RNF115: variants seen among roughly 807,000 people sequenced by gnomAD.
RNF115 encodes E3 ubiquitin-protein ligase RNF115.
A neutral mutation model predicts 39.2 loss-of-function variants in RNF115; 31 were observed. The ratio of observed to expected loss-of-function variants is 0.79; its 90% CI spans 0.59 to 1.07. The LOEUF (loss-of-function observed/expected upper bound fraction) is 1.07, where lower values mean the gene tolerates loss of function less well. Ranked by LOEUF, RNF115 falls within the 50% of genes least tolerant of loss-of-function variation. The pLI is 0.00. For missense variants in RNF115, 384 were observed against 381.7 expected (o/e 1.01, Z -0.05); for synonymous variants, 124 against 131.0 (o/e 0.95, Z 0.37).
intron 3 of RNF115, 87 bp downstream of exon 3, chr1:145,784,449 ATGT>A: frequency 7.9e-6 from 9 of 1,138,556 alleles, no homozygotes; most frequent in Non-Finnish European, 1.2e-5. Flanking sequence ...TTAAACTCTG[ATGT>A]TGTGCCACAC....
intron 4 of RNF115, among the ~76,000 whole-genome samples, chr1:145,769,201 C>T (rs1227700194): frequency 6.6e-6 from 1 of 152,112 alleles, no homozygotes; most frequent in Non-Finnish European, 1.5e-5. Context: ...TATTTAACTG[C>T]CTTTATACTC....
intron 3 of RNF115, among the ~76,000 whole-genome samples, chr1:145,774,235 A>G (rs781983767): frequency 6.6e-6 from 1 of 151,678 alleles, no homozygotes; most frequent in Non-Finnish European, 1.5e-5. Context: ...GAATATACCA[A>G]TAAGGCTAAA....
chr1:145,807,579 T>C (rs1252606683), intron 1 of RNF115, among the ~76,000 whole-genome samples: 1 of 152,216 alleles, frequency 6.6e-6, no homozygotes, highest in Admixed American at 6.5e-5. Context: ...GCTACAGATA[T>C]CTGTAAATAT....
At chr1:145,753,339 C>T (rs910652929) in intron 4 of RNF115, among the ~76,000 whole-genome samples, 3 of 152,152 alleles carry the variant, frequency 2.0e-5, no homozygotes, top group Non-Finnish European at 4.4e-5. Flanking sequence ...CCCTGAATAT[C>T]TGACATCAAC....
At chr1:145,764,158 C>T (rs1391986491) in intron 4 of RNF115, among the ~76,000 whole-genome samples, 1 of 152,210 alleles carries the variant, frequency 6.6e-6, no homozygotes, top group Non-Finnish European at 1.5e-5. Flanking sequence ...GCGAGTGATC[C>T]GCCAGCCTCG....
At chr1:145,756,804 C>CTGTGTTCATGTGTTCA (rs748111869) in intron 4 of RNF115, among the ~76,000 whole-genome samples, 1 of 142,150 alleles carries the variant, frequency 7.0e-6, no homozygotes, top group Non-Finnish European at 1.5e-5. Context: ...CTTCTGTCTT[C>CTGTGTTCATGTGTTCA]TGTGTTCATG....
chr1:145,803,141 C>A (rs936840616), intron 1 of RNF115, among the ~76,000 whole-genome samples: 3 of 152,114 alleles, frequency 2.0e-5, no homozygotes, highest in African/African-American at 7.2e-5. Flanking sequence ...GAGAAAGTTT[C>A]CAGTCTAAAC....
Position 145,746,979 on chromosome 1 carries a change from A to C in RNF115, c.802T>G (p.Cys268Gly). The C allele has an allele frequency of 6.2e-7, 1 of 1,613,780 alleles. No individual in the cohort carries two copies. The highest frequency in any genetic ancestry group is 8.5e-7 in the Non-Finnish European group (1 of 1,179,794). ...TCCTCACCATTTAAGCTCTTCCTAC[A>C]TACAGGACATGTGTCATGCTGAAAC... ...WLELHDTCPV[C>G]RKSLNGEDST... Residue 268 changes from cysteine (C) to glycine (G), a missense_variant, in exon 9 of 9, where the codon TGT becomes GGT. By Grantham distance (159) the Cys-to-Gly change is radical. Coordinates refer to ENST00000582693, the MANE Select transcript of RNF115 (RefSeq NM_014455.4).
At chr1:145,752,560 C>T (rs1256856422) in intron 5 of RNF115, among the ~76,000 whole-genome samples, 1 of 146,598 alleles carries the variant, frequency 6.8e-6, no homozygotes, top group Non-Finnish European at 1.5e-5. Context: ...CCTCCAGTTA[C>T]ATCTACATAC....
intron 4 of RNF115, among the ~76,000 whole-genome samples, chr1:145,756,924 C>T (rs185386102): frequency 6.7e-6 from 1 of 148,938 alleles, no homozygotes; most frequent in Admixed American, 6.8e-5. Flanking sequence ...GCAACCTCTG[C>T]CTCCAGGTTT....
intron 4 of RNF115, among the ~76,000 whole-genome samples, chr1:145,766,618 G>A (rs1311799437): frequency 4.7e-5 from 7 of 147,466 alleles, no homozygotes; most frequent in Non-Finnish European, 6.0e-5. Context: ...CTGGCCGGGC[G>A]GGGGGCTGAC....
chr1:145,823,820 G>A lies in RNF115; in HGVS notation c.54C>T (p.His18=). 1 of 1,585,604 alleles carries A rather than the reference G, an allele frequency of 6.3e-7. No homozygotes were observed. Among genetic ancestry groups the A allele is most frequent in the Non-Finnish European group, 8.6e-7 (1 of 1,169,314 alleles). Reference sequence around the variant, plus strand: ...CCTTGCAAAAGTGGCAGAAAAACCGGTGGGCGGCTACAGCGGCGCCCGAGT... The same window carrying A: ...CCTTGCAAAAGTGGCAGAAAAACCGATGGGCGGCTACAGCGGCGCCCGAGT... ...GADSGAAVAA[H]RFFCHFCKGE... Residue 18 remains histidine (H), a synonymous_variant, in exon 1 of 9, where the codon CAC becomes CAT. Transcript: ENST00000582693.
At chr1:145,812,223 T>A (rs2101605483) in intron 1 of RNF115, among the ~76,000 whole-genome samples, 1 of 149,894 alleles carries the variant, frequency 6.7e-6, no homozygotes, top group Admixed American at 6.6e-5. Context: ...GGGTTAAAAG[T>A]CTATTCAAAT....
intron 1 of RNF115, among the ~76,000 whole-genome samples, chr1:145,820,370 T>TG (rs1157196397): frequency 2.4e-4 from 37 of 151,476 alleles, no homozygotes; most frequent in African/African-American, 8.7e-4. Context: ...GAGGATATAG[T>TG]GGGAGGACAC....
intron 8 of RNF115, 65 bp from the exon 9 acceptor site, chr1:145,747,062 T>C: frequency 6.7e-7 from 1 of 1,484,658 alleles, no homozygotes; most frequent in Non-Finnish European, 9.2e-7. Flanking sequence ...TATTGTACAC[T>C]TAAATAACCC....
intron 4 of RNF115, among the ~76,000 whole-genome samples, chr1:145,759,946 AT>A (rs587724262): frequency 1.8e-3 from 267 of 152,256 alleles, no homozygotes; most frequent in Non-Finnish European, 3.1e-3. Flanking sequence ...CACTTCAACC[AT>A]ATTCCCTATC....
At chr1:145,804,546 A>T (rs12732381) in intron 1 of RNF115, among the ~76,000 whole-genome samples, 44,131 of 151,860 alleles carry the variant, frequency 0.29, 7,292 homozygotes, top group Non-Finnish European at 0.37. Flanking sequence ...CAGACTGGAA[A>T]CACAGAATAA....
intron 2 of RNF115, 175 bp downstream of exon 2, chr1:145,788,731 TCC>T: frequency 1.4e-6 from 1 of 698,694 alleles, no homozygotes. Context: ...TCTTTCTTTT[TCC>T]TCTCCCATTC....
chr1:145,762,589 G>A (rs587596493), intron 4 of RNF115, among the ~76,000 whole-genome samples: 151 of 151,910 alleles, frequency 9.9e-4, no homozygotes, highest in African/African-American at 3.5e-3. Context: ...TATTTAAAAA[G>A]GTCTACAAGA....
Sources: allele counts gnomAD v4.1 joint callset (sites outside exome capture counted in the v4.1 genomes callset), GRCh38; gene constraint gnomAD v4.1.1; transcripts MANE v1.5; gene names NCBI Gene and HGNC (gene_info 2026-07-23, HGNC 2026-07-21).